Variants in FXR2 observed in about 807,000 individuals in gnomAD.
FXR2 encodes FMR1 autosomal homolog 2.
Under a neutral mutation model 87.3 loss-of-function variants are expected in FXR2, and 9 were observed. The observed-to-expected ratio is 0.10, with a 90% CI of 0.06 to 0.18. The LOEUF (loss-of-function observed/expected upper bound fraction) is 0.18. Ranked by LOEUF, FXR2 falls within the 10% of genes least tolerant of loss-of-function variation. FXR2 has a pLI of 1.00. For synonymous variants in FXR2, 331 were observed against 328.3 expected, an observed-to-expected ratio of 1.01 and a Z score of -0.09; for missense variants, 661 against 893.6, an observed-to-expected ratio of 0.74 and a Z score of 3.32.
chr17:7,591,754 G>A lies in FXR2; in HGVS notation c.*76C>T. ...CCTAGATAAGAGCAGCTCCAGCGCA[G>A]GTCAGTTGGGCCTGTGAGGGCCATG... On this transcript the variant is annotated 3_prime_UTR_variant, in exon 17 of 17. Coordinates refer to ENST00000250113, the MANE Select transcript of FXR2 (RefSeq NM_004860.4). This position sits in a 1 kb window ranked among gnomAD's most constrained non-coding sequence, Gnocchi z 4.0. 1 of 835,958 alleles carries A rather than the reference G, an allele frequency of 1.2e-6. No individual in the cohort carries two copies. The allele number at this position is 835,958 out of a possible 1,614,324, so 51.8% of individuals were successfully genotyped here.
chr17:7,613,870 C>A, intron 1 of FXR2: 1 of 359,886 alleles, frequency 2.8e-6, no homozygotes, highest in South Asian at 2.1e-5. Context: ...CTGATCCAAC[C>A]CAGGGTTCCT....
In FXR2 at chr17:7,591,895, G is replaced by A; in HGVS notation, c.1957C>T (p.Pro653Ser). 1 of 1,604,672 alleles carries A rather than the reference G, an allele frequency of 6.2e-7. No homozygotes were observed. Among genetic ancestry groups the A allele is most frequent in the South Asian group, 1.1e-5 (1 of 90,896 alleles). ...GCGGAGAGCTCCCCATTCTCCGAGG[G>A]GCCCTTAGGAAGCTTGCTGACAGAG... ...GDSVSKLPKG[P>S]SENGELSAPL... The change falls in exon 17 of 17, where the codon CCC (proline) becomes TCC (serine). Residue 653 changes from proline (P) to serine (S), a missense_variant. Coordinates refer to ENST00000250113, the MANE Select transcript of FXR2 (RefSeq NM_004860.4). The surrounding 1 kb of genome is among the most constrained non-coding windows in gnomAD (Gnocchi z 4.0).
rs1567751792 is a variant in FXR2 at position 7,604,363 on chromosome 17, A to G, written c.229-283T>C. 3.9e-5 allele frequency among the ~76,000 whole-genome samples: 6 copies of G among 152,224 alleles called. No homozygotes were observed. The South Asian group carries it at 1.2e-3, about 32-fold the overall frequency. The stretch of plus-strand genomic sequence containing the variant: ...GAGGATCTCTTGAGCTCAGGAGTTC[A>G]AGAACGATCTGGGCAACACAGTGAG... On this transcript the variant is annotated intron_variant, in intron 3 of 16. Transcript: ENST00000250113.
intron 1 of FXR2, among the ~76,000 whole-genome samples, chr17:7,612,952 C>A (rs2071883299): frequency 7.4e-6 from 1 of 135,924 alleles, no homozygotes; most frequent in Non-Finnish European, 1.5e-5. Context: ...GCCAAGATCG[C>A]ACCACTGCAC....
chr17:7,605,938 A>G (rs566497580), intron 2 of FXR2, 159 bp downstream of exon 2: 1 of 652,688 alleles, frequency 1.5e-6, no homozygotes, highest in African/African-American at 1.8e-5. Context: ...CACCCTCACC[A>G]AATTCTCAGC....
intron 1 of FXR2, among the ~76,000 whole-genome samples, chr17:7,613,131 A>C (rs2071889009): frequency 6.6e-6 from 1 of 152,042 alleles, no homozygotes; most frequent in African/African-American, 2.4e-5. Context: ...AGTCAAAGAA[A>C]GACATTTCCA....
At chr17:7,602,725 G>A (rs541926089) in intron 6 of FXR2, 184 bp downstream of exon 6, 11 of 512,598 alleles carry the variant, frequency 2.1e-5, no homozygotes, top group East Asian at 9.8e-5. Flanking sequence ...GTGAGACTTC[G>A]TCTCAAAAAA....
rs1194079748 is a variant in FXR2, at chr17:7,593,924, G to A, written c.1101C>T (p.Tyr367=). ...AQALLEYHLS[Y]LQEVEQLRLE... ...TCTCTCCCGGCCTGGGTACCTGCAG[G>A]TAGGAGAGGTGATACTCCAGCAAAG... Residue 367 remains tyrosine (Y), a synonymous_variant, in exon 11 of 17, where the codon TAC becomes TAT. Coordinates refer to ENST00000250113, the MANE Select transcript of FXR2 (RefSeq NM_004860.4). This position sits in a 1 kb window ranked among gnomAD's most constrained non-coding sequence, Gnocchi z 6.1. 6.2e-7 allele frequency: 1 copy of A among 1,600,746 alleles called. No homozygotes were observed. Among genetic ancestry groups the A allele is most frequent in the East Asian group, 2.2e-5 (1 of 44,836 alleles).
chr17:7,596,015 A>AG (rs1319412208), intron 7 of FXR2, 21 bp from the exon 8 acceptor site: 1 of 1,601,682 alleles, frequency 6.2e-7, no homozygotes, highest in Admixed American at 1.7e-5. Context: ...AAGTCACTGT[A>AG]GGAATCATGG....
At position 7,594,625 on chromosome 17, in the gene FXR2, CT is replaced by C; in HGVS notation, c.910+53del. The C allele has an allele frequency of 9.0e-7, 1 of 1,110,468 alleles. No individual in the cohort carries two copies. The highest frequency in any genetic ancestry group is 1.4e-6 in the Non-Finnish European group (1 of 720,318). 68.8% of individuals were successfully genotyped at this position (1,110,468 alleles called of 1,614,324 possible). ...AATCCTGGATAAAAGCTCAGAATCACTGTAGAGAATCTTGATTCTGACCTCT... is the reference window on the plus strand; with the variant it reads ...AATCCTGGATAAAAGCTCAGAATCACGTAGAGAATCTTGATTCTGACCTCT... On this transcript the variant is annotated intron_variant, in intron 9 of 16. Coordinates refer to ENST00000250113, the MANE Select transcript of FXR2 (RefSeq NM_004860.4). This position sits in a 1 kb window ranked among gnomAD's most constrained non-coding sequence, Gnocchi z 5.1.
chr17:7,604,180 T>G, intron 3 of FXR2, 100 bp from the exon 4 acceptor site: 3 of 898,030 alleles, frequency 3.3e-6, no homozygotes, highest in Non-Finnish European at 5.4e-6. Flanking sequence ...ACCTGTAATC[T>G]CAGCGCTTTG....
intron 2 of FXR2, 171 bp downstream of exon 2, chr17:7,605,926 C>T (rs2071799706): frequency 7.8e-6 from 5 of 644,966 alleles, no homozygotes; most frequent in Non-Finnish European, 1.4e-5. Flanking sequence ...GTCAAATGCC[C>T]CCACCCTCAC....
At chr17:7,606,453 A>G (rs946952647) in intron 1 of FXR2, among the ~76,000 whole-genome samples, 7 of 152,198 alleles carry the variant, frequency 4.6e-5, no homozygotes, top group African/African-American at 1.7e-4. Context: ...TGTGCTAAGC[A>G]GCCTGCCAGA....
At chr17:7,597,674 G>T (rs1426326400) in intron 7 of FXR2, among the ~76,000 whole-genome samples, 2 of 152,166 alleles carry the variant, frequency 1.3e-5, no homozygotes, top group Admixed American at 1.3e-4. Context: ...TTCCCAAAGT[G>T]CTGGGATTGC....
chr17:7,594,610 A>G lies in FXR2; in HGVS notation c.910+69T>C. 9.7e-7 allele frequency: 1 copy of G among 1,025,672 alleles called. No homozygotes were observed. Among genetic ancestry groups the G allele is most frequent in the Non-Finnish European group, 1.6e-6 (1 of 643,508 alleles). 63.5% of individuals were successfully genotyped at this position (1,025,672 alleles called of 1,614,324 possible). A position where few individuals can be genotyped will look rare whatever the true frequency, so the allele number is the denominator to read the frequency against. On this transcript the variant is annotated intron_variant, in intron 9 of 16. Coordinates refer to ENST00000250113, the MANE Select transcript of FXR2 (RefSeq NM_004860.4). This position sits in a 1 kb window ranked among gnomAD's most constrained non-coding sequence, Gnocchi z 5.1. ...CCACAGGGAGGTGCCAATCCTGGAT[A>G]AAAGCTCAGAATCACTGTAGAGAAT... is the stretch of plus-strand genomic sequence containing the variant.
chr17:7,613,971 C>G (rs569585992), intron 1 of FXR2: 1 of 450,316 alleles, frequency 2.2e-6, no homozygotes, highest in South Asian at 1.6e-5. Context: ...GGTGAGTGTT[C>G]CAGAGCCAGT....
In FXR2 at chr17:7,592,161, C is replaced by A; in HGVS notation, c.1926+93G>T. On this transcript the variant is annotated intron_variant, in intron 16 of 16. Coordinates refer to ENST00000250113, the MANE Select transcript of FXR2 (RefSeq NM_004860.4). The surrounding 1 kb of genome is among the most constrained non-coding windows in gnomAD (Gnocchi z 4.8). ...ACTCCATCAGACACAGCTGCCTCTGCAATTCAGTAGGAGATTTGTGAAATT... is the reference window on the plus strand; with the variant it reads ...ACTCCATCAGACACAGCTGCCTCTGAAATTCAGTAGGAGATTTGTGAAATT... The A allele has an allele frequency of 6.4e-7, 1 of 1,551,282 alleles. No individual in the cohort carries two copies. The highest frequency in any genetic ancestry group is 1.2e-5 in the South Asian group (1 of 82,138).
intron 1 of FXR2, among the ~76,000 whole-genome samples, chr17:7,609,586 T>G (rs1597880632): frequency 6.6e-6 from 1 of 152,260 alleles, no homozygotes; most frequent in Admixed American, 6.5e-5. Context: ...AGAACCTGAG[T>G]TATGAGCATG....
chr17:7,614,372 T>A, intron 1 of FXR2, 80 bp downstream of exon 1: 1 of 1,067,084 alleles, frequency 9.4e-7, no homozygotes, highest in Non-Finnish European at 1.3e-6. Context: ...CTCCAGAAGC[T>A]CGATCCCGCC....
Sources: allele counts gnomAD v4.1 joint callset (sites outside exome capture counted in the v4.1 genomes callset), GRCh38; gene constraint gnomAD v4.1.1; non-coding constraint Gnocchi (gnomAD v3.1); transcripts MANE v1.5; gene names NCBI Gene and HGNC (gene_info 2026-07-23, HGNC 2026-07-21).